Variants in CNTN1 observed in about 807,000 individuals in gnomAD.
CNTN1 encodes the protein contactin 1, also known as contactin-1.
Under a neutral mutation model 126.4 loss-of-function variants are expected in CNTN1, and 38 were observed. The ratio of observed to expected loss-of-function variants is 0.30; its 90% CI spans 0.23 to 0.39. The LOEUF (loss-of-function observed/expected upper bound fraction) is 0.39. CNTN1 is among the 10% of genes least tolerant of loss of function. The pLI is 1.00. For synonymous variants in CNTN1, 413 were observed against 422.6 expected, an observed-to-expected ratio of 0.98 and a Z score of 0.28; for missense variants, 1,009 against 1,248.4, an observed-to-expected ratio of 0.81 and a Z score of 2.89.
intron 1 of CNTN1, among the ~76,000 whole-genome samples, chr12:40,751,771 C>T (rs988468949): frequency 6.6e-6 from 1 of 152,072 alleles, no homozygotes; most frequent in Non-Finnish European, 1.5e-5. Flanking sequence ...AGAGCCATAG[C>T]TTCTTCTCTG....
At chr12:41,032,843 CTT>C (rs1484113001) in intron 23 of CNTN1, among the ~76,000 whole-genome samples, 2 of 152,170 alleles carry the variant, frequency 1.3e-5, no homozygotes, top group Non-Finnish European at 2.9e-5. Context: ...GGAGCAAGCT[CTT>C]GTTTGCCTCA....
At chr12:41,027,741 T>C (rs1043161701) in intron 21 of CNTN1, 116 bp from the exon 22 acceptor site, 12 of 738,390 alleles carry the variant, frequency 1.6e-5, no homozygotes, top group Non-Finnish European at 2.7e-5. Flanking sequence ...TAAACACTTA[T>C]TAAAACTAGA....
intron 12 of CNTN1, among the ~76,000 whole-genome samples, chr12:40,941,091 C>G (rs910293629): frequency 3.9e-5 from 6 of 152,034 alleles, no homozygotes; most frequent in Non-Finnish European, 8.8e-5. Flanking sequence ...TCCTAAATAT[C>G]AATATGTGTT....
intron 17 of CNTN1, among the ~76,000 whole-genome samples, chr12:40,997,171 G>A (rs1220007149): frequency 6.6e-6 from 1 of 152,220 alleles, no homozygotes; most frequent in Non-Finnish European, 1.5e-5. Flanking sequence ...AATTTTGACT[G>A]TAGAAAAGAG....
At chr12:41,024,478 T>C (rs1948994815) in intron 20 of CNTN1, among the ~76,000 whole-genome samples, 1 of 152,154 alleles carries the variant, frequency 6.6e-6, no homozygotes, top group African/African-American at 2.4e-5. Context: ...AAAGTAATCC[T>C]GTAATTATTT....
chr12:40,774,265 C>T (rs1409754019), intron 1 of CNTN1, among the ~76,000 whole-genome samples: 1 of 151,272 alleles, frequency 6.6e-6, no homozygotes, highest in African/African-American at 2.4e-5. Flanking sequence ...AAGGAAGGAG[C>T]CTCATATTTG....
chr12:40,988,486 T>G (rs1161861274), intron 16 of CNTN1, among the ~76,000 whole-genome samples: 1 of 152,122 alleles, frequency 6.6e-6, no homozygotes, highest in African/African-American at 2.4e-5. Flanking sequence ...CCAAAGCTGC[T>G]CAAACAATTA....
chr12:40,768,850 T>G (rs1343169371), intron 1 of CNTN1, among the ~76,000 whole-genome samples: 1 of 152,258 alleles, frequency 6.6e-6, no homozygotes, highest in Non-Finnish European at 1.5e-5. Context: ...TTCTCAAATT[T>G]TAAATAGTAA....
chr12:41,057,203 A>G (rs1232457803), intron 23 of CNTN1, among the ~76,000 whole-genome samples: 2 of 144,186 alleles, frequency 1.4e-5, no homozygotes, highest in African/African-American at 2.5e-5. Context: ...TTATATTATT[A>G]TATTTAGATA....
chr12:41,009,070 C>G (rs1566134556), intron 17 of CNTN1, among the ~76,000 whole-genome samples: 1 of 152,174 alleles, frequency 6.6e-6, no homozygotes, highest in Admixed American at 6.5e-5. Flanking sequence ...TGTAAAGGAG[C>G]CTCTGTCCAT....
intron 3 of CNTN1, among the ~76,000 whole-genome samples, chr12:40,916,304 T>C (rs1422551789): frequency 2.0e-5 from 3 of 152,108 alleles, no homozygotes; most frequent in Non-Finnish European, 1.5e-5. Flanking sequence ...ATCTTCAAAA[T>C]GGCAGGTGAA....
intron 1 of CNTN1, among the ~76,000 whole-genome samples, chr12:40,891,698 A>G (rs1489681545): frequency 6.6e-6 from 1 of 151,962 alleles, no homozygotes; most frequent in Admixed American, 6.6e-5. Flanking sequence ...GATTATCTTT[A>G]TATGATTCTA....
chr12:40,864,908 A>C (rs1565852790), intron 1 of CNTN1, among the ~76,000 whole-genome samples: 1 of 152,140 alleles, frequency 6.6e-6, no homozygotes, highest in Non-Finnish European at 1.5e-5. Context: ...AGGCAAAGTT[A>C]CCACCAAACT....
intron 3 of CNTN1, among the ~76,000 whole-genome samples, chr12:40,910,785 A>G (rs1944996421): frequency 6.6e-6 from 1 of 152,222 alleles, no homozygotes; most frequent in Admixed American, 6.5e-5. Context: ...AATTGCAATG[A>G]TAACTTCTAG....
intron 23 of CNTN1, among the ~76,000 whole-genome samples, chr12:41,038,657 GA>G (rs1236175034): frequency 6.6e-6 from 1 of 152,160 alleles, no homozygotes; most frequent in African/African-American, 2.4e-5. Flanking sequence ...GTAGGTTCAA[GA>G]GAGCAACTTT....
intron 1 of CNTN1, among the ~76,000 whole-genome samples, chr12:40,820,445 A>G (rs1394545525): frequency 1.3e-5 from 2 of 152,184 alleles, no homozygotes; most frequent in African/African-American, 2.4e-5. Flanking sequence ...AGTCCAGAAT[A>G]CAGTTGTGTA....
intron 14 of CNTN1, among the ~76,000 whole-genome samples, chr12:40,945,503 A>G (rs909953095): frequency 6.6e-6 from 1 of 152,066 alleles, no homozygotes; most frequent in African/African-American, 2.4e-5. Context: ...AAGTTCCACA[A>G]CCATAGTTTA....
intron 1 of CNTN1, among the ~76,000 whole-genome samples, chr12:40,860,934 C>T (rs1393223043): frequency 6.6e-6 from 1 of 151,984 alleles, no homozygotes; most frequent in African/African-American, 2.4e-5. Flanking sequence ...AAAGAGTCAC[C>T]TTATTACTAC....
intron 1 of CNTN1, among the ~76,000 whole-genome samples, chr12:40,737,305 G>GTGTGTA (rs549439779): frequency 2.1e-5 from 3 of 145,820 alleles, no homozygotes; most frequent in Non-Finnish European, 3.0e-5. Flanking sequence ...GTGTGTGTGT[G>GTGTGTA]TATATACACA....
Sources: allele counts gnomAD v4.1 joint callset (sites outside exome capture counted in the v4.1 genomes callset), GRCh38; gene constraint gnomAD v4.1.1; transcripts MANE v1.5; gene names NCBI Gene and HGNC (gene_info 2026-07-23, HGNC 2026-07-21).